EPHA6: variants seen among roughly 807,000 people sequenced by gnomAD.
EPHA6 encodes the protein EPH receptor A6.
In EPHA6, 50 loss-of-function variants were observed where a neutral mutation model predicts 112.0. The observed-to-expected ratio is 0.45, with a 90% CI of 0.36 to 0.56. EPHA6 has a LOEUF of 0.56. Among genes scored for constraint, EPHA6 ranks in the 20% least tolerant of loss-of-function variants. The pLI is 0.00. For missense variants in EPHA6, 1,280 were observed against 1,417.4 expected (o/e 0.90, Z 1.56); for synonymous variants, 529 against 490.7 (o/e 1.08, Z -1.03).
intron 5 of EPHA6, among the ~76,000 whole-genome samples, chr3:97,265,176 G>A (rs2079633262): frequency 6.6e-6 from 1 of 152,080 alleles, no homozygotes; most frequent in African/African-American, 2.4e-5. Flanking sequence ...AGCCATGAGT[G>A]GGCCCAAAAA....
At chr3:97,696,030 C>T (rs978558723) in intron 14 of EPHA6, among the ~76,000 whole-genome samples, 4 of 152,192 alleles carry the variant, frequency 2.6e-5, no homozygotes, top group Admixed American at 6.5e-5. Flanking sequence ...CAAGTTGAAT[C>T]GATGATTTTT....
chr3:97,256,638 C>G (rs2079325037), intron 5 of EPHA6, among the ~76,000 whole-genome samples: 1 of 151,950 alleles, frequency 6.6e-6, no homozygotes, highest in Admixed American at 6.6e-5. Context: ...AGTAACTAAT[C>G]ATTTTTTTCA....
chr3:97,241,760 T>C (rs980525904), intron 4 of EPHA6, among the ~76,000 whole-genome samples: 1 of 150,756 alleles, frequency 6.6e-6, no homozygotes, highest in African/African-American at 2.4e-5. Flanking sequence ...TTCTTGTTTT[T>C]TTTTTTTTTT....
intron 3 of EPHA6, among the ~76,000 whole-genome samples, chr3:97,204,620 C>T (rs182743670): frequency 9.2e-5 from 14 of 152,076 alleles, no homozygotes; most frequent in South Asian, 2.1e-4. Flanking sequence ...GAGAATTTAA[C>T]GCAGAGAAGA....
intron 11 of EPHA6, among the ~76,000 whole-genome samples, chr3:97,558,545 T>C (rs922797769): frequency 1.3e-5 from 2 of 152,010 alleles, no homozygotes; most frequent in Admixed American, 1.3e-4. Flanking sequence ...CTCTATACTT[T>C]CTGCTACACC....
At chr3:97,124,535 C>T (rs1263474156) in intron 3 of EPHA6, among the ~76,000 whole-genome samples, 1 of 148,760 alleles carries the variant, frequency 6.7e-6, no homozygotes, top group African/African-American at 2.6e-5. Context: ...TTATCTTTCT[C>T]AATTTTTTCC....
intron 11 of EPHA6, among the ~76,000 whole-genome samples, chr3:97,557,531 A>C (rs1408611378): frequency 1.3e-5 from 2 of 151,900 alleles, no homozygotes; most frequent in African/African-American, 4.8e-5. Flanking sequence ...TTTATCTTAT[A>C]TGTTCCCGAT....
intron 6 of EPHA6, among the ~76,000 whole-genome samples, chr3:97,413,381 G>C (rs2087873134): frequency 6.6e-6 from 1 of 151,632 alleles, no homozygotes; most frequent in Admixed American, 6.6e-5. Flanking sequence ...AGTATTTACA[G>C]GGGAAAGAGC....
intron 5 of EPHA6, among the ~76,000 whole-genome samples, chr3:97,385,934 C>T (rs1166143395): frequency 6.6e-6 from 1 of 152,164 alleles, no homozygotes; most frequent in Admixed American, 6.5e-5. Flanking sequence ...CACCTCCTAC[C>T]AGGCCCCTTC....
At chr3:97,438,371 A>G (rs2089965946) in intron 6 of EPHA6, among the ~76,000 whole-genome samples, 1 of 152,204 alleles carries the variant, frequency 6.6e-6, no homozygotes, top group Non-Finnish European at 1.5e-5. Context: ...TCCTAAGAAA[A>G]CAAGTATGCT....
intron 2 of EPHA6, among the ~76,000 whole-genome samples, chr3:96,889,481 A>G (rs2037830560): frequency 6.6e-6 from 1 of 152,162 alleles, no homozygotes; most frequent in South Asian, 2.1e-4. Flanking sequence ...TGGTGGTGGC[A>G]AGAGAGAATA....
At chr3:97,666,696 C>G (rs1192831827) in intron 14 of EPHA6, among the ~76,000 whole-genome samples, 5 of 152,130 alleles carry the variant, frequency 3.3e-5, no homozygotes, top group Non-Finnish European at 5.9e-5. Flanking sequence ...TACAATGACC[C>G]TATTTCTAAA....
At chr3:97,274,986 A>G (rs2080022219) in intron 5 of EPHA6, among the ~76,000 whole-genome samples, 3 of 152,174 alleles carry the variant, frequency 2.0e-5, no homozygotes, top group African/African-American at 7.2e-5. Context: ...TGGAAGTTAT[A>G]AGAACTGTAG....
At chr3:97,187,552 C>T (rs963720907) in intron 3 of EPHA6, among the ~76,000 whole-genome samples, 4 of 136,448 alleles carry the variant, frequency 2.9e-5, no homozygotes, top group Non-Finnish European at 6.1e-5. Context: ...ACCTGTGTGA[C>T]TGACTGAGCG....
Position 97,226,392 on chromosome 3 carries a change from A to G in EPHA6, c.1243A>G (p.Lys415Glu), listed in dbSNP as rs1408759096. The change falls in exon 4 of 18, where the codon AAA becomes GAA. Residue 415 changes from lysine (K) to glutamate (E), a missense_variant. By Grantham distance (56) the Lys-to-Glu change is moderately conservative. This residue lies in a region of EPHA6 where 878 missense variants were observed against 999.7 expected (regional missense o/e 0.88). Coordinates refer to ENST00000389672, the MANE Select transcript of EPHA6 (RefSeq NM_001080448.3). ...QCEKGYFRAE[K>E]DPPSMACTRP... The stretch of plus-strand genomic sequence containing the variant: ...TGAAAAGGGTTATTTCCGAGCTGAA[A>G]AAGACCCACCTTCTATGGCATGTAC... 1 of 1,613,544 alleles carries G rather than the reference A, an allele frequency of 6.2e-7. No individual in the cohort carries two copies. The highest frequency in any genetic ancestry group is 1.7e-5 in the Admixed American group (1 of 59,978).
At chr3:97,676,383 A>G (rs1275920520) in intron 14 of EPHA6, among the ~76,000 whole-genome samples, 1 of 152,240 alleles carries the variant, frequency 6.6e-6, no homozygotes, top group African/African-American at 2.4e-5. Context: ...AGAACTGACC[A>G]TTTGATTTAG....
At chr3:97,700,529 T>C (rs1166635257) in intron 14 of EPHA6, among the ~76,000 whole-genome samples, 2 of 152,158 alleles carry the variant, frequency 1.3e-5, no homozygotes. Context: ...CAGATAAAGC[T>C]AATGTAAGCT....
intron 1 of EPHA6, among the ~76,000 whole-genome samples, chr3:96,818,067 T>C (rs1256284573): frequency 6.6e-6 from 1 of 151,962 alleles, no homozygotes; most frequent in African/African-American, 2.4e-5. Flanking sequence ...AGTCAATTAA[T>C]TTTCCCTGTA....
At chr3:97,348,957 A>G (rs1183498103) in intron 5 of EPHA6, among the ~76,000 whole-genome samples, 1 of 152,082 alleles carries the variant, frequency 6.6e-6, no homozygotes, top group Non-Finnish European at 1.5e-5. Flanking sequence ...TAATTAAAAT[A>G]CCTTAACAAA....
Sources: allele counts gnomAD v4.1 joint callset (sites outside exome capture counted in the v4.1 genomes callset), GRCh38; gene constraint gnomAD v4.1.1; regional missense constraint gnomAD v4.1.1; transcripts MANE v1.5; gene names NCBI Gene and HGNC (gene_info 2026-07-23, HGNC 2026-07-21).